The following BCL11B variants were observed in gnomAD, a reference collection of about 807,000 sequenced individuals.
The protein encoded by BCL11B is B-cell lymphoma/leukemia 11B.
In BCL11B, 8 loss-of-function variants were observed where a neutral mutation model predicts 49.9. The observed-to-expected ratio is 0.16, with a 90% CI of 0.09 to 0.29. BCL11B has a LOEUF of 0.29. Ranked by LOEUF, BCL11B falls within the 10% of genes least tolerant of loss-of-function variation. The probability of loss-of-function intolerance (pLI) is 1.00; values close to 1 mark genes in which losing one functional copy is unlikely to be tolerated. For missense variants in BCL11B, 1,006 were observed against 1,351.0 expected (o/e 0.74, Z 4.00); for synonymous variants, 739 against 637.4 (o/e 1.16, Z -2.40).
intron 1 of BCL11B, among the ~76,000 whole-genome samples, chr14:99,266,972 G>A (rs1449777482): frequency 1.3e-5 from 2 of 152,164 alleles, no homozygotes; most frequent in Non-Finnish European, 2.9e-5. Context: ...ACTGGTATCT[G>A]TAAACGACTG....
intron 1 of BCL11B, among the ~76,000 whole-genome samples, chr14:99,259,467 C>T (rs999691170): frequency 2.0e-5 from 3 of 152,172 alleles, no homozygotes; most frequent in African/African-American, 2.4e-5. Context: ...ACAACGCGCA[C>T]GTATGAACTA....
At chr14:99,190,475 G>A (rs182288454) in intron 3 of BCL11B, among the ~76,000 whole-genome samples, 2 of 152,354 alleles carry the variant, frequency 1.3e-5, no homozygotes, top group East Asian at 1.9e-4. Context: ...GCGACAGAGC[G>A]AGACTTCGTC....
chr14:99,257,591 G>A lies in BCL11B; in HGVS notation c.307C>T (p.Arg103Cys), dbSNP rs201749852. The A allele has an allele frequency of 1.1e-4, 173 of 1,614,102 alleles. No homozygotes were observed. Among genetic ancestry groups the A allele is most frequent in the South Asian group, 4.6e-4 (42 of 91,084 alleles). The stretch of plus-strand genomic sequence containing the variant: ...TCGGACACTTTCCTGAGCTCGGAGC[G>A]TGAGGAGGGTGGCGGGCTGTCCTTG... ...LDKDSPPPSS[R>C]SELRKVSEPV... Residue 103 changes from arginine to cysteine, a missense_variant, in exon 2 of 4, where the codon CGC (arginine) becomes TGC (cysteine). Arg to Cys is a radical substitution (Grantham distance 180). Coordinates refer to ENST00000357195, the MANE Select transcript of BCL11B (RefSeq NM_138576.4). The surrounding 1 kb of genome is among the most constrained non-coding windows in gnomAD (Gnocchi z 6.2).
Position 99,231,138 on chromosome 14 carries a change from G to C in BCL11B, c.640+207C>G, listed in dbSNP as rs750308593. Among the ~76,000 whole-genome samples, 1 of 152,196 alleles carries C rather than the reference G, an allele frequency of 6.6e-6. No individual in the cohort carries two copies. Among genetic ancestry groups the C allele is most frequent in the African/African-American group, 2.4e-5 (1 of 41,442 alleles). On this transcript the variant is annotated intron_variant, in intron 3 of 3. Transcript: ENST00000357195. The surrounding 1 kb of genome is among the most constrained non-coding windows in gnomAD (Gnocchi z 8.1). ...GGGAGCAAGACTCTCAGAACGGGTGGGGGCACCGTGGGGGACTCCTGACCG... is the reference window on the plus strand; with the variant it reads ...GGGAGCAAGACTCTCAGAACGGGTGCGGGCACCGTGGGGGACTCCTGACCG...
rs2139890804 is a variant in BCL11B at position 99,231,291 on chromosome 14, T to TGGCACACCCCGCCATCCCGGG, written c.640+33_640+53dup. 2 of 1,570,532 alleles carry TGGCACACCCCGCCATCCCGGG rather than the reference T, an allele frequency of 1.3e-6. No homozygotes were observed. Among genetic ancestry groups the TGGCACACCCCGCCATCCCGGG allele is most frequent in the African/African-American group, 2.7e-5 (2 of 73,802 alleles). On this transcript the variant is annotated intron_variant, in intron 3 of 3. Transcript: ENST00000357195. This position sits in a 1 kb window ranked among gnomAD's most constrained non-coding sequence, Gnocchi z 8.1. ...CCCCACCTTGCTCCAGCGCTGCCCATGGCACACCCCGCCATCCCGGGGGCC... is the reference window on the plus strand; with the variant it reads ...CCCCACCTTGCTCCAGCGCTGCCCATGGCACACCCCGCCATCCCGGGGGCACACCCCGCCATCCCGGGGGCC...
intron 2 of BCL11B, among the ~76,000 whole-genome samples, chr14:99,246,678 G>A (rs1469564697): frequency 6.6e-6 from 1 of 151,926 alleles, no homozygotes; most frequent in African/African-American, 2.4e-5. Context: ...TGGCAATGAA[G>A]GGGGCTATGG....
intron 3 of BCL11B, among the ~76,000 whole-genome samples, chr14:99,199,705 C>CGT (rs1326714260): frequency 5.9e-5 from 4 of 68,162 alleles, no homozygotes; most frequent in Non-Finnish European, 1.9e-4. Context: ...CGCACGTGCA[C>CGT]GTGTGTGCGT....
Position 99,174,141 on chromosome 14 carries a change from G to A in BCL11B, c.*10C>T. 1 of 1,608,348 alleles carries A rather than the reference G, an allele frequency of 6.2e-7. No homozygotes were observed. Among genetic ancestry groups the A allele is most frequent in the South Asian group, 1.1e-5 (1 of 90,982 alleles). On this transcript the variant is annotated 3_prime_UTR_variant, in exon 4 of 4. Coordinates refer to ENST00000357195, the MANE Select transcript of BCL11B (RefSeq NM_138576.4). Reference sequence around the variant, plus strand: ...CACTGTACAGGTGCGGGGCGCCGGGGCCCGCGCGCTTAGCTCCTCTCGGCC... The same window carrying A: ...CACTGTACAGGTGCGGGGCGCCGGGACCCGCGCGCTTAGCTCCTCTCGGCC...
In BCL11B at chr14:99,175,405, G is replaced by A; in HGVS notation, c.1431C>T (p.His477=). The change falls in exon 4 of 4, where the codon CAC becomes CAT. Residue 477 remains histidine, a synonymous_variant. Coordinates refer to ENST00000357195, the MANE Select transcript of BCL11B (RefSeq NM_138576.4). ...CGGCCAGCGAGCCGGCCTTGTGCAT[G>A]TGCGTCTTCATGTGGCGCTTGAGCT... ...ASKLKRHMKT[H]MHKAGSLAGR... 1.2e-6 allele frequency: 2 copies of A among 1,607,416 alleles called. No homozygotes were observed. Among genetic ancestry groups the A allele is most frequent in the South Asian group, 2.2e-5 (2 of 90,828 alleles).
Position 99,174,040 on chromosome 14 carries a change from C to G in BCL11B, c.*111G>C. On this transcript the variant is annotated 3_prime_UTR_variant, in exon 4 of 4. Transcript: ENST00000357195. ...TTGGAGTGCCGCCTCCCCTGGGCCC[C>G]GGGGACACGCGGGGTGCGGGGTGGC... 8.7e-7 allele frequency: 1 copy of G among 1,146,042 alleles called. No individual in the cohort carries two copies. The highest frequency in any genetic ancestry group is 1.5e-5 in the South Asian group (1 of 68,650). The allele number at this position is 1,146,042 out of a possible 1,614,324, so 71.0% of individuals were successfully genotyped here. A position where few individuals can be genotyped will look rare whatever the true frequency, so the allele number is the denominator to read the frequency against.
Position 99,271,480 on chromosome 14 carries a change from A to G in BCL11B, c.-262T>C, listed in dbSNP as rs1463301638. ...AAAGAAAAAAAAGGGAAGAAAAGCA[A>G]GAAAAACCTCTCGATCTAAAATAAG... On this transcript the variant is annotated 5_prime_UTR_variant, in exon 1 of 4. Coordinates refer to ENST00000357195, the MANE Select transcript of BCL11B (RefSeq NM_138576.4). 4.3e-6 allele frequency: 1 copy of G among 233,676 alleles called. No homozygotes were observed. The highest frequency in any genetic ancestry group is 5.9e-5 in the East Asian group (1 of 16,974). The allele number at this position is 233,676 out of a possible 1,614,324, so 14.5% of individuals were successfully genotyped here.
chr14:99,261,137 G>A (rs191201126), intron 1 of BCL11B, among the ~76,000 whole-genome samples: 1 of 152,314 alleles, frequency 6.6e-6, no homozygotes, highest in Admixed American at 6.5e-5. Flanking sequence ...CAGGAAGGTA[G>A]CAAGGTCACC....
rs1413837697 is a variant in BCL11B, at chr14:99,205,590, G to A, written c.640+25755C>T. 2.0e-5 allele frequency among the ~76,000 whole-genome samples: 3 copies of A among 152,106 alleles called. No homozygotes were observed. The highest frequency in any genetic ancestry group is 6.5e-5 in the Admixed American group (1 of 15,274). ...TGCCTGAGATGAGCTCCCTTTTCCA[G>A]AGGAGGAAAAAGGAGCCCAAAATTT... On this transcript the variant is annotated intron_variant, in intron 3 of 3. Coordinates refer to ENST00000357195, the MANE Select transcript of BCL11B (RefSeq NM_138576.4). This position sits in a 1 kb window ranked among gnomAD's most constrained non-coding sequence, Gnocchi z 5.0.
chr14:99,267,255 T>A (rs1478810727), intron 1 of BCL11B, among the ~76,000 whole-genome samples: 4 of 151,436 alleles, frequency 2.6e-5, no homozygotes, highest in Non-Finnish European at 5.9e-5. Flanking sequence ...CACAGGCAGA[T>A]AGCAACCTCC....
intron 3 of BCL11B, among the ~76,000 whole-genome samples, chr14:99,230,015 G>C (rs773584636): frequency 6.6e-6 from 1 of 152,200 alleles, no homozygotes; most frequent in Non-Finnish European, 1.5e-5. Flanking sequence ...TTTGGGTTTT[G>C]CTTTGTGCCT....
At chr14:99,218,088 CAG>C (rs1256616628) in intron 3 of BCL11B, among the ~76,000 whole-genome samples, 2 of 113,564 alleles carry the variant, frequency 1.8e-5, no homozygotes, top group Admixed American at 2.2e-4. Flanking sequence ...TTTTTTGAGA[CAG>C]AGTCTCACTC....
chr14:99,175,761 G>A lies in BCL11B; in HGVS notation c.1075C>T (p.Pro359Ser). ...AGCCGCCGCGAGAAGTCCATGGCGG[G>A]CGAGTCGATGGCCATGGGGTTCAGG... ...MRLNPMAIDS[P>S]AMDFSRRLRE... is the part of the protein sequence containing the mutation. The change falls in exon 4 of 4, where the codon CCC becomes TCC. Residue 359 changes from proline (P) to serine (S), a missense_variant. By Grantham distance (74) the Pro-to-Ser change is moderately conservative (BLOSUM62 -1). Coordinates refer to ENST00000357195, the MANE Select transcript of BCL11B (RefSeq NM_138576.4). 3 of 1,468,200 alleles carry A rather than the reference G, an allele frequency of 2.0e-6. No homozygotes were observed. Among genetic ancestry groups the A allele is most frequent in the African/African-American group, 3.0e-5 (2 of 67,548 alleles). The allele number at this position is 1,468,200 out of a possible 1,614,324, so 90.9% of individuals were successfully genotyped here. A position where few individuals can be genotyped will look rare whatever the true frequency, so the allele number is the denominator to read the frequency against.
chr14:99,176,742 A>G (rs1886547158), intron 3 of BCL11B, among the ~76,000 whole-genome samples: 1 of 152,136 alleles, frequency 6.6e-6, no homozygotes, highest in Admixed American at 6.5e-5. Flanking sequence ...CCCACTAGAT[A>G]GATGCCAGGA....
intron 3 of BCL11B, among the ~76,000 whole-genome samples, chr14:99,226,804 A>G (rs1329370174): frequency 6.6e-6 from 1 of 152,184 alleles, no homozygotes; most frequent in East Asian, 1.9e-4. Context: ...AAACCCTACT[A>G]TTTACTTACA....
Sources: gnomAD v4.1 joint callset for allele counts (sites outside exome capture counted in the v4.1 genomes callset) on GRCh38, gnomAD v4.1.1 for gene constraint, Gnocchi (gnomAD v3.1) non-coding constraint, MANE v1.5 for transcripts, NCBI Gene and HGNC (gene_info 2026-07-23, HGNC 2026-07-21) for gene names.